Variants in APOC1 observed in about 807,000 individuals in gnomAD.
APOC1 encodes the protein apolipoprotein C-I.
APOC1 carries 4 observed loss-of-function variants against 6.7 expected under a neutral mutation model. The observed-to-expected ratio is 0.60, with a 90% CI of 0.29 to 1.37. The LOEUF (loss-of-function observed/expected upper bound fraction) is 1.37, where lower values mean the gene tolerates loss of function less well. Among genes scored for constraint, APOC1 ranks in the 40% most tolerant of loss-of-function variants. The pLI, the probability that APOC1 is intolerant of heterozygous loss-of-function variation, is 0.09. For missense variants in APOC1, 122 were observed against 99.4 expected (o/e 1.23, Z -0.97); for synonymous variants, 33 against 40.6 (o/e 0.81, Z 0.72).
At chr19:44,914,832 G>A in intron 1 of APOC1, 40 bp from the exon 2 acceptor site, 1 of 1,535,524 alleles carries the variant, frequency 6.5e-7, no homozygotes, top group Non-Finnish European at 9.0e-7. Context: ...GGAGGGAGGA[G>A]GGTGCCACTG....
intron 2 of APOC1, 113 bp from the exon 3 acceptor site, chr19:44,916,077 C>T (rs1223333030): frequency 2.4e-6 from 3 of 1,245,878 alleles, no homozygotes; most frequent in Non-Finnish European, 3.2e-6. Context: ...GTGGTGGTTG[C>T]AGTAGGCCGA....
At chr19:44,916,696 T>C (rs1274160127) in intron 3 of APOC1, among the ~76,000 whole-genome samples, 1 of 150,028 alleles carries the variant, frequency 6.7e-6, no homozygotes, top group Non-Finnish European at 1.5e-5. Flanking sequence ...GGCGTGCACC[T>C]GTAATCCCAG....
chr19:44,916,106 C>T (rs943853910), intron 2 of APOC1, 84 bp from the exon 3 acceptor site: 1 of 1,405,102 alleles, frequency 7.1e-7, no homozygotes, highest in Non-Finnish European at 9.2e-7. Flanking sequence ...CACTGCACTC[C>T]AGCTTGGGCT....
At chr19:44,918,624 G>T (rs996568404) in intron 3 of APOC1, among the ~76,000 whole-genome samples, 1 of 151,822 alleles carries the variant, frequency 6.6e-6, no homozygotes, top group Admixed American at 6.6e-5. Flanking sequence ...TGATCCACCC[G>T]CCTCGGCCTC....
At chr19:44,916,809 CAAAA>C (rs1160183813) in intron 3 of APOC1, among the ~76,000 whole-genome samples, 18 of 46,398 alleles carry the variant, frequency 3.9e-4, no homozygotes, top group African/African-American at 1.9e-3. Flanking sequence ...GACTCTGTCT[CAAAA>C]AAAAAAAAAA....
intron 3 of APOC1, 140 bp downstream of exon 3, chr19:44,916,465 C>A: frequency 9.1e-7 from 1 of 1,098,400 alleles, no homozygotes; most frequent in African/African-American, 1.6e-5. Context: ...ACAGCTAGAT[C>A]TCAAGGTGCT....
At chr19:44,917,149 CA>C (rs1286832124) in intron 3 of APOC1, among the ~76,000 whole-genome samples, 3 of 152,160 alleles carry the variant, frequency 2.0e-5, no homozygotes, top group African/African-American at 7.2e-5. Flanking sequence ...AGTAAAGGAG[CA>C]GGCCTACAGG....
chr19:44,914,972 G>A (rs111873720), intron 2 of APOC1, 23 bp downstream of exon 2: 1 of 1,594,806 alleles, frequency 6.3e-7, no homozygotes, highest in Non-Finnish European at 8.6e-7. Context: ...TGGGAGAATT[G>A]CGGAGTTGGA....
At chr19:44,918,546 GA>G (rs1364223154) in intron 3 of APOC1, among the ~76,000 whole-genome samples, 1 of 151,184 alleles carries the variant, frequency 6.6e-6, no homozygotes, top group Admixed American at 6.6e-5. Context: ...ATTCTTAGTA[GA>G]ATGTAGAATT....
At chr19:44,914,971 T>C (rs1969977768) in intron 2 of APOC1, 22 bp downstream of exon 2, 1 of 1,596,004 alleles carries the variant, frequency 6.3e-7, no homozygotes, top group Non-Finnish European at 8.6e-7. Flanking sequence ...ATGGGAGAAT[T>C]GCGGAGTTGG....
At chr19:44,918,845 G>T in intron 3 of APOC1, 1 of 301,926 alleles carries the variant, frequency 3.3e-6, no homozygotes, top group Middle Eastern at 9.6e-4. Flanking sequence ...TTTTAGTGAA[G>T]ATGACATTTC....
At chr19:44,918,157 A>G (rs1402334592) in intron 3 of APOC1, among the ~76,000 whole-genome samples, 1 of 148,574 alleles carries the variant, frequency 6.7e-6, no homozygotes, top group Non-Finnish European at 1.5e-5. Flanking sequence ...AGTCCCAGCT[A>G]CTCGGGAGGC....
Position 44,914,912 on chromosome 19 carries a change from C to T in APOC1, c.21C>T (p.Leu7=), listed in dbSNP as rs12721047. 3.4e-4 allele frequency: 549 copies of T among 1,613,846 alleles called. No homozygotes were observed. The highest frequency in any genetic ancestry group is 1.7e-4 in the Middle Eastern group (1 of 6,056). ...TCGCCATGAGGCTCTTCCTGTCGCT[C>T]CCGGTCCTGGTGGTGGTTCTGTCGA... The part of the protein sequence containing the change: MRLFLS[L]PVLVVVLSIV... The change falls in exon 2 of 4, where the codon CTC becomes CTT. Residue 7 remains leucine, a synonymous_variant. Transcript: ENST00000592535.
chr19:44,916,809 C>CAAAA (rs1160183813), intron 3 of APOC1, among the ~76,000 whole-genome samples: 8 of 46,406 alleles, frequency 1.7e-4, no homozygotes, highest in Admixed American at 3.4e-4. Context: ...GACTCTGTCT[C>CAAAA]AAAAAAAAAA....
chr19:44,919,278 C>A lies in APOC1; in HGVS notation c.*48C>A, dbSNP rs761118084. ...GGAGGGGCCTCTGAAATTTCCCACA[C>A]CCCAGCGCCTGTGCTGAGGACTCCC... On this transcript the variant is annotated 3_prime_UTR_variant, in exon 4 of 4. Transcript: ENST00000592535. 7.7e-6 allele frequency: 12 copies of A among 1,551,764 alleles called. No homozygotes were observed. In the South Asian group the frequency reaches 1.0e-4, roughly 13 times the overall value.
At chr19:44,917,915 A>T (rs1167463803) in intron 3 of APOC1, among the ~76,000 whole-genome samples, 2 of 151,824 alleles carry the variant, frequency 1.3e-5, no homozygotes, top group Non-Finnish European at 2.9e-5. Flanking sequence ...CGGAGGTTGC[A>T]GTGAGCCGAG....
Position 44,914,691 on chromosome 19 carries a change from G to A in APOC1, c.-63G>A. 1.7e-6 allele frequency: 1 copy of A among 583,398 alleles called. No homozygotes were observed. Among genetic ancestry groups the A allele is most frequent in the Admixed American group, 3.0e-5 (1 of 33,702 alleles). 36.1% of individuals were successfully genotyped at this position (583,398 alleles called of 1,614,324 possible). On this transcript the variant is annotated 5_prime_UTR_variant, in exon 1 of 4. Transcript: ENST00000592535. Reference sequence around the variant, plus strand: ...CCCCAGCCTGATAAAGGTCCTGCGGGCAGGACAGGACCTCCCAACCAAGCC... The same window carrying A: ...CCCCAGCCTGATAAAGGTCCTGCGGACAGGACAGGACCTCCCAACCAAGCC...
intron 2 of APOC1, 141 bp from the exon 3 acceptor site, chr19:44,916,044 GGAGAA>G: frequency 2.3e-6 from 2 of 885,014 alleles, no homozygotes; most frequent in South Asian, 3.9e-5. Flanking sequence ...GGCTGAGGCA[GGAGAA>G]CTGCTTGAAC....
intron 3 of APOC1, chr19:44,918,887 G>A (rs765937589): frequency 2.4e-6 from 1 of 419,826 alleles, no homozygotes; most frequent in South Asian, 4.7e-5. Context: ...TCGAACTCCT[G>A]ACCTCAAGTG....
Sources: gnomAD v4.1 joint callset for allele counts (sites outside exome capture counted in the v4.1 genomes callset) on GRCh38, gnomAD v4.1.1 for gene constraint, MANE v1.5 for transcripts, NCBI Gene and HGNC (gene_info 2026-07-23, HGNC 2026-07-21) for gene names.